The following KCNAB2 variants were observed in gnomAD, a reference collection of about 807,000 sequenced individuals.
The protein encoded by KCNAB2 is potassium voltage-gated channel subfamily A regulatory beta subunit 2.
In KCNAB2, 29 loss-of-function variants were observed where a neutral mutation model predicts 63.6. The ratio of observed to expected loss-of-function variants is 0.46; its 90% confidence interval spans 0.34 to 0.62. KCNAB2 has a LOEUF of 0.62. Among genes scored for constraint, KCNAB2 ranks in the 20% least tolerant of loss-of-function variants. The pLI is 0.01. For synonymous variants in KCNAB2, 222 were observed against 224.2 expected, an observed-to-expected ratio of 0.99 and a Z score of 0.09; for missense variants, 359 against 563.9, an observed-to-expected ratio of 0.64 and a Z score of 3.68.
rs532041956 is a variant in KCNAB2 at position 6,088,991 on chromosome 1, G to T, written c.471-17G>T. ...AAAACCGCTGGTGACATCACACGCG[G>T]TCGGCCTGTTTTCCAGGGCGGAGAC... On this transcript the variant is annotated splice_polypyrimidine_tract_variant and intron_variant, in intron 7 of 15. Coordinates refer to ENST00000378083, the MANE Select transcript of KCNAB2 (RefSeq NM_001199862.2). 23 of 1,548,868 alleles carry T rather than the reference G, an allele frequency of 1.5e-5. No individual in the cohort carries two copies. In the South Asian group the frequency reaches 2.6e-4, roughly 18 times the overall value.
chr1:6,077,659 A>G (rs1486538566), intron 4 of KCNAB2, among the ~76,000 whole-genome samples: 1 of 151,964 alleles, frequency 6.6e-6, no homozygotes, highest in Non-Finnish European at 1.5e-5. Context: ...CGGAGCGGAG[A>G]GCGCCGAGCC....
chr1:6,022,930 T>C (rs948696562), intron 1 of KCNAB2, among the ~76,000 whole-genome samples: 2 of 147,290 alleles, frequency 1.4e-5, no homozygotes, highest in Non-Finnish European at 3.0e-5. Flanking sequence ...TCACCCAGGC[T>C]GGAGGGCAGT....
At chr1:6,034,112 G>A (rs761703658), upstream of KCNAB2, among the ~76,000 whole-genome samples, 2 of 152,204 alleles carry the variant, frequency 1.3e-5, no homozygotes, top group African/African-American at 2.4e-5. Context: ...CTCCCTCTGC[G>A]CTAAAGGAGC....
chr1:6,027,412 G>C (rs993378577), intron 1 of KCNAB2: 1 of 152,416 alleles, frequency 6.6e-6, no homozygotes, highest in African/African-American at 2.4e-5. Flanking sequence ...GACTCACTGC[G>C]GGTCGTGCCG....
chr1:6,040,460 G>C, intron 1 of KCNAB2: 1 of 958,478 alleles, frequency 1.0e-6, no homozygotes, highest in Admixed American at 1.8e-5. Context: ...GGCCAAACCT[G>C]GTTGATCTTT....
In KCNAB2 at chr1:6,094,360, G is replaced by T. The variant is rs778762763; in HGVS notation, c.647-40G>T. 4 of 1,541,344 alleles carry T rather than the reference G, an allele frequency of 2.6e-6. No individual in the cohort carries two copies. In the Admixed American group the frequency reaches 7.3e-5, roughly 28 times the overall value. On this transcript the variant is annotated intron_variant, in intron 10 of 15. Transcript: ENST00000378083. ...TGTCCCGAGGCTGGCCCTGAGCCCTGGCTGCCCCCCACCTGCGGTTTCCCT... is the reference window on the plus strand; with the variant it reads ...TGTCCCGAGGCTGGCCCTGAGCCCTTGCTGCCCCCCACCTGCGGTTTCCCT...
intron 4 of KCNAB2, 68 bp from the exon 5 acceptor site, chr1:6,082,127 G>A: frequency 7.2e-7 from 1 of 1,390,628 alleles, no homozygotes; most frequent in Non-Finnish European, 1.0e-6. Context: ...CAGGCCGAGA[G>A]GGTGGTGCTC....
In KCNAB2 at chr1:5,994,838, C is replaced by T. The variant is rs1037565631; in HGVS notation, c.-53+2050C>T. On this transcript the variant is annotated intron_variant, in intron 1 of 16. Transcript: ENST00000341524. This position sits in a 1 kb window ranked among gnomAD's most constrained non-coding sequence, Gnocchi z 5.4. ...CATTTTTCAGTCATCTTCTAAGACC[C>T]AAATGGTTCAGGAGGAAGCGAGTGC... Among the ~76,000 whole-genome samples, 4 of 152,150 alleles carry T rather than the reference C, an allele frequency of 2.6e-5. No homozygotes were observed. Among genetic ancestry groups the T allele is most frequent in the African/African-American group, 9.7e-5 (4 of 41,428 alleles).
intron 2 of KCNAB2, among the ~76,000 whole-genome samples, chr1:6,060,526 G>A (rs1015845646): frequency 1.3e-5 from 2 of 152,062 alleles, no homozygotes; most frequent in Admixed American, 1.3e-4. Flanking sequence ...ACCACACTCC[G>A]TTCAGCACGG....
At chr1:6,094,064 A>G (rs1409428685) in intron 10 of KCNAB2, among the ~76,000 whole-genome samples, 1 of 152,166 alleles carries the variant, frequency 6.6e-6, no homozygotes, top group Non-Finnish European at 1.5e-5. Context: ...CTCCAGTTCT[A>G]GAGTCCAGAG....
upstream of KCNAB2, among the ~76,000 whole-genome samples, chr1:6,044,385 G>A (rs755458678): frequency 3.9e-5 from 6 of 152,198 alleles, no homozygotes; most frequent in South Asian, 2.1e-4. Flanking sequence ...AAGACTTCAC[G>A]GAGAAGGCAG....
At chr1:6,045,325 A>C (rs576795624), upstream of KCNAB2, among the ~76,000 whole-genome samples, 145 of 152,282 alleles carry the variant, frequency 9.5e-4, no homozygotes, top group African/African-American at 3.3e-3. This position sits in a 1 kb window ranked among gnomAD's most constrained non-coding sequence, Gnocchi z 4.8. Context: ...TGTGACACGC[A>C]GTGACCCTGG....
intron 15 of KCNAB2, chr1:6,098,182 A>G: frequency 1.8e-6 from 2 of 1,120,278 alleles, no homozygotes; most frequent in Non-Finnish European, 2.2e-6. Flanking sequence ...ACGGACATGG[A>G]AGTCCAGCAT....
At chr1:6,051,874 C>T (rs1661426398) in intron 2 of KCNAB2, 120 bp downstream of exon 2, 3 of 1,173,632 alleles carry the variant, frequency 2.6e-6, no homozygotes, top group Non-Finnish European at 3.5e-6. Flanking sequence ...GAGGCAGAGG[C>T]GGGTGGATCA....
At chr1:6,042,861 C>T (rs1413718241), upstream of KCNAB2, among the ~76,000 whole-genome samples, 2 of 122,104 alleles carry the variant, frequency 1.6e-5, no homozygotes, top group Admixed American at 8.9e-5. Flanking sequence ...CCCCGTTTGC[C>T]AGCCATAGCA....
chr1:6,039,037 C>T (rs1660280033), intron 1 of KCNAB2, among the ~76,000 whole-genome samples: 1 of 152,166 alleles, frequency 6.6e-6, no homozygotes, highest in African/African-American at 2.4e-5. Context: ...ACACCCCCCC[C>T]AGAGAGGGAA....
intron 10 of KCNAB2, 79 bp from the exon 11 acceptor site, chr1:6,094,321 C>A: frequency 9.6e-7 from 1 of 1,045,030 alleles, no homozygotes; most frequent in South Asian, 1.4e-5. Flanking sequence ...AGCGTCCTGC[C>A]TGTATTTGCA....
chr1:6,022,442 AT>A (rs1658900776), intron 1 of KCNAB2, among the ~76,000 whole-genome samples: 1 of 143,380 alleles, frequency 7.0e-6, no homozygotes, highest in Admixed American at 6.9e-5. Flanking sequence ...CGAGTGTGTA[AT>A]TCAGTGGCAT....
chr1:6,050,199 G>A (rs1040059319), intron 1 of KCNAB2, among the ~76,000 whole-genome samples: 5 of 152,206 alleles, frequency 3.3e-5, no homozygotes, highest in African/African-American at 1.2e-4. Flanking sequence ...GCAGAAGGTG[G>A]GGACAGTGCT....
Sources: gnomAD v4.1 joint callset for allele counts (sites outside exome capture counted in the v4.1 genomes callset) on GRCh38, gnomAD v4.1.1 for gene constraint, Gnocchi (gnomAD v3.1) non-coding constraint, MANE v1.5 for transcripts, NCBI Gene and HGNC (gene_info 2026-07-23, HGNC 2026-07-21) for gene names.